The following TET2 variants were observed in gnomAD, a reference collection of about 807,000 sequenced individuals.
The protein encoded by TET2 is tet methylcytosine dioxygenase 2.
TET2 carries 299 observed loss-of-function variants against 142.9 expected under a neutral mutation model. That is an observed-to-expected ratio of 2.09 (90% CI 1.90 to 2.30). The LOEUF is 2.30. TET2 is among the 30% of genes most tolerant of loss of function. The pLI is 0.00. For synonymous variants in TET2, 819 were observed against 849.0 expected, an observed-to-expected ratio of 0.96 and a Z score of 0.61; for missense variants, 2,418 against 2,378.0, an observed-to-expected ratio of 1.02 and a Z score of -0.35.
chr4:105,160,146 CCT>C (rs1293177096), intron 1 of TET2, among the ~76,000 whole-genome samples: 1 of 152,146 alleles, frequency 6.6e-6, no homozygotes, highest in Non-Finnish European at 1.5e-5. Context: ...ATTATACCTG[CCT>C]CTCCCCTTTC....
intron 1 of TET2, among the ~76,000 whole-genome samples, chr4:105,170,059 G>T (rs1050537614): frequency 6.6e-6 from 1 of 152,060 alleles, no homozygotes; most frequent in Non-Finnish European, 1.5e-5. Context: ...GGCTCTGTGG[G>T]TTCTTTTTTG....
intron 6 of TET2, among the ~76,000 whole-genome samples, chr4:105,259,367 G>T (rs976070529): frequency 1.3e-5 from 2 of 152,068 alleles, no homozygotes; most frequent in African/African-American, 2.4e-5. Flanking sequence ...CTTAGTGTGG[G>T]TTCTACTTAA....
At chr4:105,165,283 C>T (rs752228757) in intron 1 of TET2, among the ~76,000 whole-genome samples, 4 of 152,052 alleles carry the variant, frequency 2.6e-5, no homozygotes, top group East Asian at 3.9e-4. Context: ...GACTGAGGCA[C>T]GAGAATCACT....
Position 105,233,800 on chromosome 4 carries a change from C to T in TET2, c.-46-97C>T, listed in dbSNP as rs1341566156. On this transcript the variant is annotated intron_variant, in intron 2 of 10. Coordinates refer to ENST00000380013, the MANE Select transcript of TET2 (RefSeq NM_001127208.3). ...TATGTCTAGGTATTCCGATATTTAT[C>T]CACAATTATTCCTTAAGATATATTA... 7 of 654,766 alleles carry T rather than the reference C, an allele frequency of 1.1e-5. No homozygotes were observed. In the East Asian group the frequency reaches 1.8e-4, roughly 17 times the overall value. The allele number at this position is 654,766 out of a possible 1,614,324, so 40.6% of individuals were successfully genotyped here. A position where few individuals can be genotyped will look rare whatever the true frequency, so the allele number is the denominator to read the frequency against.
At chr4:105,272,531 A>T (rs1731013532) in intron 9 of TET2, 33 bp from the exon 10 acceptor site, 1 of 1,389,712 alleles carries the variant, frequency 7.2e-7, no homozygotes. Flanking sequence ...TGGGACCTGT[A>T]GTTGAGGCTG....
chr4:105,192,465 AAGT>A (rs1440552125), intron 2 of TET2, among the ~76,000 whole-genome samples: 3 of 152,230 alleles, frequency 2.0e-5, no homozygotes, highest in African/African-American at 7.2e-5. Flanking sequence ...GCAAAGAAGA[AAGT>A]AGGTAATAAT....
chr4:105,186,988 A>G (rs1411883055), intron 1 of TET2, among the ~76,000 whole-genome samples: 3 of 152,194 alleles, frequency 2.0e-5, no homozygotes, highest in Non-Finnish European at 4.4e-5. Flanking sequence ...TTTTGGGCAT[A>G]TAAAACTAGA....
intron 8 of TET2, among the ~76,000 whole-genome samples, chr4:105,265,027 A>C (rs1730618371): frequency 1.3e-5 from 2 of 152,194 alleles, no homozygotes; most frequent in Admixed American, 1.3e-4. Context: ...CTTCGTGTCT[A>C]TCCAGTAGAC....
intron 1 of TET2, among the ~76,000 whole-genome samples, chr4:105,162,537 C>A (rs900962978): frequency 2.0e-5 from 3 of 152,114 alleles, no homozygotes; most frequent in Admixed American, 2.0e-4. Flanking sequence ...AGCTTTTAAC[C>A]CTGACAAGCA....
At chr4:105,272,392 T>C (rs984771102) in intron 9 of TET2, among the ~76,000 whole-genome samples, 172 bp from the exon 10 acceptor site, 1 of 152,168 alleles carries the variant, frequency 6.6e-6, no homozygotes, top group Non-Finnish European at 1.5e-5. Context: ...ATTTTGTTGC[T>C]ATTTTCATTA....
At chr4:105,243,517 T>G (rs2110253970) in intron 5 of TET2, 53 bp from the exon 6 acceptor site, 9 of 1,486,080 alleles carry the variant, frequency 6.1e-6, no homozygotes, top group Non-Finnish European at 8.3e-6. Flanking sequence ...GTGACCCTTG[T>G]TTTGTTTTGG....
At chr4:105,260,993 T>G (rs563830501) in intron 7 of TET2, among the ~76,000 whole-genome samples, 1 of 152,188 alleles carries the variant, frequency 6.6e-6, no homozygotes, top group South Asian at 2.1e-4. Context: ...ATTGCCTCTG[T>G]TGGGTAGGAG....
intron 1 of TET2, among the ~76,000 whole-genome samples, chr4:105,161,121 C>G (rs1723836078): frequency 1.3e-5 from 2 of 152,014 alleles, no homozygotes; most frequent in South Asian, 4.1e-4. Context: ...ATTATCTGAC[C>G]GAATCTATTA....
chr4:105,234,176 T>C lies in TET2; in HGVS notation c.234T>C (p.Phe78=). 1 of 1,614,184 alleles carries C rather than the reference T, an allele frequency of 6.2e-7. No homozygotes were observed. The highest frequency in any genetic ancestry group is 1.3e-5 in the African/African-American group (1 of 75,056). ...AGAATAGTCGTGTGAGTCCTGACTT[T>C]ACACAAGAAAGTAGAGGGTATTCCA... is the stretch of plus-strand genomic sequence containing the variant. ...GSQNSRVSPD[F]TQESRGYSKC... is the part of the protein sequence containing the mutation. The change falls in exon 3 of 11, where the codon TTT becomes TTC. Residue 78 remains phenylalanine, a synonymous_variant. Coordinates refer to ENST00000380013, the MANE Select transcript of TET2 (RefSeq NM_001127208.3).
At chr4:105,180,824 A>G (rs1186731081) in intron 1 of TET2, among the ~76,000 whole-genome samples, 1 of 152,076 alleles carries the variant, frequency 6.6e-6, no homozygotes, top group African/African-American at 2.4e-5. Context: ...TTTTTAGTAG[A>G]GACAGGGTTT....
Position 105,276,132 on chromosome 4 carries a change from G to C in TET2, c.5622G>C (p.Glu1874Asp). The change falls in exon 11 of 11, where the codon GAG becomes GAC. Residue 1874 changes from glutamate (E) to aspartate (D), a missense_variant. Coordinates refer to ENST00000380013, the MANE Select transcript of TET2 (RefSeq NM_001127208.3). The stretch of plus-strand genomic sequence containing the variant: ...CAACTCATGGGTCAATTCTCATTGA[G>C]TGTGCAAAGCGTGAGCTGCATGCCA... ...VAPTHGSILI[E>D]CAKRELHATT... The C allele has an allele frequency of 6.4e-7, 1 of 1,551,636 alleles. No individual in the cohort carries two copies. Among genetic ancestry groups the C allele is most frequent in the Non-Finnish European group, 8.7e-7 (1 of 1,146,970 alleles).
intron 2 of TET2, among the ~76,000 whole-genome samples, chr4:105,221,240 C>T (rs995254112): frequency 1.3e-5 from 2 of 152,004 alleles, no homozygotes; most frequent in African/African-American, 4.8e-5. Context: ...CCAGGATTAA[C>T]AGATAAGTGG....
chr4:105,276,442 G>T lies in TET2; in HGVS notation c.5932G>T (p.Val1978Leu), dbSNP rs555385319. The T allele has an allele frequency of 6.4e-7, 1 of 1,551,840 alleles. No homozygotes were observed. The highest frequency in any genetic ancestry group is 2.0e-5 in the Admixed American group (1 of 50,992). Residue 1978 changes from valine to leucine, a missense_variant, in exon 11 of 11, where the codon GTG becomes TTG. Physicochemically the swap from Val to Leu is conservative, Grantham distance 32 (BLOSUM62 1). Transcript: ENST00000380013. ...IKSLAERTMSVTTDSTVTTSP... is the reference protein window; with the variant it reads ...IKSLAERTMSLTTDSTVTTSP... ...GTCTCTTGCCGAAAGGACCATGTCCGTGACCACAGACTCCACAGTAACTAC... is the reference window on the plus strand; with the variant it reads ...GTCTCTTGCCGAAAGGACCATGTCCTTGACCACAGACTCCACAGTAACTAC...
chr4:105,207,557 A>G (rs1274469309), intron 2 of TET2, among the ~76,000 whole-genome samples: 1 of 152,044 alleles, frequency 6.6e-6, no homozygotes, highest in Non-Finnish European at 1.5e-5. Flanking sequence ...CAGTGTCTGT[A>G]TTTAAGGGAT....
Sources: gnomAD v4.1 joint callset for allele counts (sites outside exome capture counted in the v4.1 genomes callset) on GRCh38, gnomAD v4.1.1 for gene constraint, MANE v1.5 for transcripts, NCBI Gene and HGNC (gene_info 2026-07-23, HGNC 2026-07-21) for gene names.